Variants in MOSMO observed in about 807,000 individuals in gnomAD.
MOSMO encodes the protein modulator of smoothened.
Under a neutral mutation model 18.4 loss-of-function variants are expected in MOSMO, and 5 were observed. The ratio of observed to expected loss-of-function variants is 0.27; its 90% CI spans 0.14 to 0.57. The LOEUF (loss-of-function observed/expected upper bound fraction) is 0.57, where lower values mean the gene tolerates loss of function less well. Ranked by LOEUF, MOSMO falls within the 20% of genes least tolerant of loss-of-function variation. The pLI, the probability that MOSMO is intolerant of heterozygous loss-of-function variation, is 0.92. For synonymous variants in MOSMO, 82 were observed against 82.3 expected, an observed-to-expected ratio of 1.00 and a Z score of 0.02; for missense variants, 138 against 211.8, an observed-to-expected ratio of 0.65 and a Z score of 2.16.
At chr16:22,084,663 T>C (rs1255910984), downstream of MOSMO, 1 of 152,222 alleles carries the variant, frequency 6.6e-6, no homozygotes, top group Non-Finnish European at 1.5e-5. Context: ...AAGGCTTCTA[T>C]TACTTTGAAA....
rs2287964 is a variant in MOSMO at position 22,083,539 on chromosome 16, A to T, written c.*2659A>T. ...TAGACAACTGTCCGCAGTTGCTTTT[A>T]AAAAAGGTCACTATAATAAGTACTA... On this transcript the variant is annotated 3_prime_UTR_variant, in exon 3 of 3. Coordinates refer to ENST00000542527, the MANE Select transcript of MOSMO (RefSeq NM_001164579.2). 11,083 of 341,880 alleles carry T rather than the reference A, an allele frequency of 0.032. 926 individuals are homozygous for T. The East Asian group carries it at 0.4, about 12-fold the overall frequency. 21.2% of individuals were successfully genotyped at this position (341,880 alleles called of 1,614,324 possible).
intron 1 of MOSMO, among the ~76,000 whole-genome samples, chr16:22,029,815 G>A (rs760120821): frequency 5.3e-5 from 8 of 151,916 alleles, no homozygotes; most frequent in Non-Finnish European, 1.2e-4. Context: ...TTTTGTAGAG[G>A]TGGGGTTTCA....
chr16:22,068,398 T>C (rs1215500235), intron 1 of MOSMO, among the ~76,000 whole-genome samples: 2 of 152,186 alleles, frequency 1.3e-5, no homozygotes, highest in Non-Finnish European at 2.9e-5. Flanking sequence ...GCCTAAAAAA[T>C]AAAATGTACA....
At chr16:22,051,392 A>T (rs1035666337) in intron 1 of MOSMO, among the ~76,000 whole-genome samples, 1 of 152,134 alleles carries the variant, frequency 6.6e-6, no homozygotes, top group Non-Finnish European at 1.5e-5. Flanking sequence ...TCTCCAAAAA[A>T]AAAAGGACTC....
intron 1 of MOSMO, among the ~76,000 whole-genome samples, chr16:22,040,878 C>T (rs548253250): frequency 6.6e-6 from 1 of 152,176 alleles, no homozygotes; most frequent in Admixed American, 6.5e-5. Flanking sequence ...GCAGGAGAAT[C>T]GCTTGAACCT....
At chr16:22,009,849 G>A (rs1444568343) in intron 1 of MOSMO, among the ~76,000 whole-genome samples, 6 of 147,048 alleles carry the variant, frequency 4.1e-5, no homozygotes, top group South Asian at 2.2e-4. Flanking sequence ...AGAATTAGCC[G>A]GGCATGGTGG....
At chr16:22,058,254 C>T (rs752609787) in intron 1 of MOSMO, among the ~76,000 whole-genome samples, 1 of 151,826 alleles carries the variant, frequency 6.6e-6, no homozygotes, top group Non-Finnish European at 1.5e-5. Flanking sequence ...GGTGAAACCC[C>T]ATCTCTACTA....
At chr16:22,073,983 C>A (rs569911607) in intron 1 of MOSMO, among the ~76,000 whole-genome samples, 17 of 152,276 alleles carry the variant, frequency 1.1e-4, no homozygotes, top group African/African-American at 4.1e-4. Context: ...GACTCAAACT[C>A]AACTTTGAGA....
At chr16:22,027,135 AG>A (rs1474607458) in intron 1 of MOSMO, among the ~76,000 whole-genome samples, 1 of 152,230 alleles carries the variant, frequency 6.6e-6, no homozygotes, top group Non-Finnish European at 1.5e-5. Flanking sequence ...AATTTGAAAA[AG>A]TGCTTTATAT....
rs541252456 is a variant in MOSMO, at chr16:22,044,954, T to C, written c.107-30533T>C. Among the ~76,000 whole-genome samples the C allele has an allele frequency of 5.1e-4, 77 of 152,008 alleles. 1 individual carries two copies. The highest frequency in any genetic ancestry group is 1.8e-3 in the African/African-American group (74 of 41,444). ...ACTTTGGGAGACCAGGGTGGGCAGA[T>C]TGCTTGAGTTCATGTGTTCAAGACC... On this transcript the variant is annotated intron_variant, in intron 1 of 2. Coordinates refer to ENST00000542527, the MANE Select transcript of MOSMO (RefSeq NM_001164579.2).
In MOSMO at chr16:22,080,788, G is replaced by C; in HGVS notation, c.412G>C (p.Val138Leu). The C allele has an allele frequency of 6.7e-7, 1 of 1,494,736 alleles. No individual in the cohort carries two copies. The highest frequency in any genetic ancestry group is 1.3e-5 in the South Asian group (1 of 77,936). The allele number at this position is 1,494,736 out of a possible 1,614,324, so 92.6% of individuals were successfully genotyped here. The change falls in exon 3 of 3, where the codon GTA (valine) becomes CTA (leucine). Residue 138 changes from valine (V) to leucine (L), a missense_variant. By Grantham distance (32) the Val-to-Leu change is conservative (BLOSUM62 1). Coordinates refer to ENST00000542527, the MANE Select transcript of MOSMO (RefSeq NM_001164579.2). ...GQPYKLPNNT[V>L]VGSSYVLFVL... ...ACCTTATAAATTACCCAACAACACA[G>C]TAGTTGGGTCATCATATGTACTTTT...
chr16:22,053,847 A>G (rs1900479126), intron 1 of MOSMO, among the ~76,000 whole-genome samples: 1 of 152,176 alleles, frequency 6.6e-6, no homozygotes, highest in African/African-American at 2.4e-5. Flanking sequence ...GAAACGGAGT[A>G]GTTGGAGGCC....
At chr16:22,027,738 G>A (rs975254597) in intron 1 of MOSMO, among the ~76,000 whole-genome samples, 1 of 152,148 alleles carries the variant, frequency 6.6e-6, no homozygotes, top group African/African-American at 2.4e-5. Context: ...GATTCTGTTT[G>A]GGAAGTGAGA....
intron 1 of MOSMO, among the ~76,000 whole-genome samples, chr16:22,014,344 C>A (rs1301770968): frequency 6.6e-6 from 1 of 152,116 alleles, no homozygotes; most frequent in Non-Finnish European, 1.5e-5. Flanking sequence ...AGGAGAAAGC[C>A]TTATGTGTTT....
At chr16:22,015,015 G>A (rs1040415923) in intron 1 of MOSMO, among the ~76,000 whole-genome samples, 1 of 151,936 alleles carries the variant, frequency 6.6e-6, no homozygotes, top group African/African-American at 2.4e-5. Context: ...ACAAATCAGT[G>A]GCTTTTAGTA....
downstream of MOSMO, among the ~76,000 whole-genome samples, chr16:22,089,227 C>A (rs567033683): frequency 6.6e-6 from 1 of 152,178 alleles, no homozygotes; most frequent in East Asian, 1.9e-4. Flanking sequence ...ACCACCATTT[C>A]TGGCTAATTT....
chr16:22,088,669 A>G (rs1377433579), downstream of MOSMO, among the ~76,000 whole-genome samples: 1 of 152,194 alleles, frequency 6.6e-6, no homozygotes, highest in South Asian at 2.1e-4. Flanking sequence ...CCCATATGTC[A>G]TCTTAATCCT....
At chr16:22,092,508 C>A, downstream of MOSMO, 1 of 1,199,454 alleles carries the variant, frequency 8.3e-7, no homozygotes, top group Non-Finnish European at 1.2e-6. Flanking sequence ...TGGAGACCAG[C>A]TAACACATTC....
At chr16:22,052,060 C>T (rs901591757) in intron 1 of MOSMO, among the ~76,000 whole-genome samples, 4 of 152,072 alleles carry the variant, frequency 2.6e-5, no homozygotes, top group African/African-American at 4.8e-5. Context: ...CTCTTTAACC[C>T]AGAAATTTTA....
Sources: gnomAD v4.1 joint callset for allele counts (sites outside exome capture counted in the v4.1 genomes callset) on GRCh38, gnomAD v4.1.1 for gene constraint, MANE v1.5 for transcripts, NCBI Gene and HGNC (gene_info 2026-07-23, HGNC 2026-07-21) for gene names.